The following RALGPS2 variants were observed in gnomAD, a reference collection of about 807,000 sequenced individuals.
The protein encoded by RALGPS2 is Ral GEF with PH domain and SH3 binding motif 2.
RALGPS2 carries 43 observed loss-of-function variants against 86.8 expected under a neutral mutation model. That is an observed-to-expected ratio of 0.50 (90% CI 0.39 to 0.64). The LOEUF (loss-of-function observed/expected upper bound fraction) is 0.64, where lower values mean the gene tolerates loss of function less well. RALGPS2 is among the 30% of genes least tolerant of loss of function. The probability of loss-of-function intolerance (pLI) is 0.00; values close to 1 mark genes in which losing one functional copy is unlikely to be tolerated. For synonymous variants in RALGPS2, 243 were observed against 231.3 expected (o/e 1.05, Z -0.46); for missense variants, 536 against 694.6 (o/e 0.77, Z 2.57).
chr1:178,783,553 G>A (rs1558117671), intron 2 of RALGPS2, among the ~76,000 whole-genome samples: 2 of 152,150 alleles, frequency 1.3e-5, no homozygotes, highest in African/African-American at 4.8e-5. Flanking sequence ...GGGAGGAAAA[G>A]CAAAAATGAG....
chr1:178,739,513 AC>A (rs1219692845), intron 1 of RALGPS2, among the ~76,000 whole-genome samples: 1 of 152,148 alleles, frequency 6.6e-6, no homozygotes, highest in Non-Finnish European at 1.5e-5. Flanking sequence ...AAACAGCATG[AC>A]TCAAGATGTG....
chr1:178,840,042 A>G (rs1231983013), intron 8 of RALGPS2, among the ~76,000 whole-genome samples: 1 of 152,154 alleles, frequency 6.6e-6, no homozygotes, highest in Non-Finnish European at 1.5e-5. Context: ...ACTCCCACAC[A>G]ATAATAATGG....
At chr1:178,791,019 G>C (rs1306840461) in intron 4 of RALGPS2, among the ~76,000 whole-genome samples, 1 of 152,086 alleles carries the variant, frequency 6.6e-6, no homozygotes, top group Non-Finnish European at 1.5e-5. Flanking sequence ...TTTTATGTTT[G>C]TGTCCATTAT....
Position 178,819,655 on chromosome 1 carries a change from ATTGCTAGCT to A in RALGPS2, c.388-1954_388-1946del, listed in dbSNP as rs1655403144. Among the ~76,000 whole-genome samples the A allele has an allele frequency of 2.0e-5, 3 of 152,148 alleles. No homozygotes were observed. In the South Asian group the frequency reaches 6.2e-4, roughly 32 times the overall value. ...TAGGGCCCTAAGTATTCCTTACTTT[ATTGCTAGCT>A]TTACAGTGAATTTTCATAAGATGTG... On this transcript the variant is annotated intron_variant, in intron 6 of 19. Transcript: ENST00000367635.
At chr1:178,820,591 A>T (rs1230313977) in intron 6 of RALGPS2, among the ~76,000 whole-genome samples, 1 of 152,186 alleles carries the variant, frequency 6.6e-6, no homozygotes, top group Non-Finnish European at 1.5e-5. Flanking sequence ...TTTTATTTAT[A>T]TAACCCTATA....
Position 178,829,298 on chromosome 1 carries a change from G to T in RALGPS2, c.481-4126G>T, listed in dbSNP as rs111403271. ...ACAAAGTTTCAGTTATGTAGAACAG[G>T]GGTCCCCAAACCCCGGGCTGCTGAC... On this transcript the variant is annotated intron_variant, in intron 7 of 19. Transcript: ENST00000367635. Among the ~76,000 whole-genome samples the T allele has an allele frequency of 1.3e-3, 191 of 152,276 alleles. 1 individual carries two copies. Among genetic ancestry groups the T allele is most frequent in the African/African-American group, 4.2e-3 (175 of 41,564 alleles).
At chr1:178,735,889 CATT>C (rs145095120) in intron 1 of RALGPS2, among the ~76,000 whole-genome samples, 3,765 of 152,000 alleles carry the variant, frequency 0.025, 151 homozygotes, top group African/African-American at 0.086. Flanking sequence ...GTGAATGTAT[CATT>C]ATTTAAACTC....
At chr1:178,874,674 C>G (rs1406367145) in intron 8 of RALGPS2, among the ~76,000 whole-genome samples, 1 of 152,188 alleles carries the variant, frequency 6.6e-6, no homozygotes, top group Non-Finnish European at 1.5e-5. Context: ...CCAACATCCC[C>G]GTGCCATTTC....
intron 3 of RALGPS2, 103 bp from the exon 4 acceptor site, chr1:178,785,454 A>C: frequency 8.2e-7 from 1 of 1,224,670 alleles, no homozygotes; most frequent in Non-Finnish European, 1.1e-6. Flanking sequence ...TATAAAATTG[A>C]GTATTTGGTA....
chr1:178,828,534 T>C (rs1050420752), intron 7 of RALGPS2, among the ~76,000 whole-genome samples: 4 of 152,164 alleles, frequency 2.6e-5, no homozygotes, highest in African/African-American at 9.7e-5. Context: ...GACATGTCGT[T>C]TTGCAGCACA....
intron 1 of RALGPS2, among the ~76,000 whole-genome samples, chr1:178,767,329 C>T (rs4316321): frequency 2.6e-5 from 3 of 115,672 alleles, no homozygotes; most frequent in Non-Finnish European, 3.6e-5. Flanking sequence ...GCTGATATTT[C>T]TTCAGTCTCT....
chr1:178,912,502 A>G (rs1660664233), intron 19 of RALGPS2, among the ~76,000 whole-genome samples: 1 of 152,170 alleles, frequency 6.6e-6, no homozygotes, highest in Admixed American at 6.5e-5. Context: ...TAAGGATGCT[A>G]AAAATAGGCC....
intron 6 of RALGPS2, among the ~76,000 whole-genome samples, chr1:178,821,099 G>A (rs988172698): frequency 6.6e-6 from 1 of 152,154 alleles, no homozygotes; most frequent in Non-Finnish European, 1.5e-5. Context: ...GAGGGAAAAA[G>A]GATCTGGGGA....
At chr1:178,774,053 C>T (rs1365314146) in intron 1 of RALGPS2, among the ~76,000 whole-genome samples, 1 of 152,082 alleles carries the variant, frequency 6.6e-6, no homozygotes, top group Non-Finnish European at 1.5e-5. Context: ...CCAGCCTGGC[C>T]AACATGGTGA....
At chr1:178,831,968 C>G (rs1656042560) in intron 7 of RALGPS2, among the ~76,000 whole-genome samples, 2 of 152,188 alleles carry the variant, frequency 1.3e-5, no homozygotes, top group South Asian at 4.1e-4. Flanking sequence ...GTTACGAGTT[C>G]TAAGTAATTT....
intron 8 of RALGPS2, among the ~76,000 whole-genome samples, chr1:178,851,795 A>G (rs77307991): frequency 0.041 from 6,236 of 152,218 alleles, 174 homozygotes; most frequent in African/African-American, 0.072. Context: ...TTACCAGTGT[A>G]AAATTGGTTA....
Position 178,917,582 on chromosome 1 carries a change from T to C in RALGPS2, c.*1223T>C, listed in dbSNP as rs1337540584. On this transcript the variant is annotated 3_prime_UTR_variant, in exon 20 of 20. Transcript: ENST00000367635. ...ATACTTGTATGATTTACCATAAACA[T>C]ACCAAAACATTTTTCTGAAAATTTA... 6.6e-6 allele frequency: 1 copy of C among 152,178 alleles called. No individual in the cohort carries two copies. Among genetic ancestry groups the C allele is most frequent in the Non-Finnish European group, 1.5e-5 (1 of 68,000 alleles). The allele number at this position is 152,178 out of a possible 1,614,324, so 9.4% of individuals were successfully genotyped here.
chr1:178,839,635 A>G (rs933632349), intron 8 of RALGPS2, among the ~76,000 whole-genome samples: 2 of 152,222 alleles, frequency 1.3e-5, no homozygotes, highest in Admixed American at 6.5e-5. Flanking sequence ...GAACATCATA[A>G]TGACAGGATC....
chr1:178,865,082 C>A, intron 8 of RALGPS2: 1 of 1,540,204 alleles, frequency 6.5e-7, no homozygotes, highest in Non-Finnish European at 8.8e-7. Flanking sequence ...TCCCAGCAGA[C>A]CAGGAGTATA....
Sources: allele counts gnomAD v4.1 joint callset (sites outside exome capture counted in the v4.1 genomes callset), GRCh38; gene constraint gnomAD v4.1.1; transcripts MANE v1.5; gene names NCBI Gene and HGNC (gene_info 2026-07-23, HGNC 2026-07-21).